SPOCK3: variants seen among roughly 807,000 people sequenced by gnomAD.
SPOCK3 encodes the protein testican-3.
In SPOCK3, 30 loss-of-function variants were observed where a neutral mutation model predicts 56.6. That is an observed-to-expected ratio of 0.53 (90% CI 0.40 to 0.72). The LOEUF (loss-of-function observed/expected upper bound fraction) is 0.72, where lower values mean the gene tolerates loss of function less well. Among genes scored for constraint, SPOCK3 ranks in the 30% least tolerant of loss-of-function variants. The probability of loss-of-function intolerance (pLI) is 0.00; values close to 1 mark genes in which losing one functional copy is unlikely to be tolerated. For synonymous variants in SPOCK3, 196 were observed against 183.3 expected (o/e 1.07, Z -0.56); for missense variants, 527 against 530.0 (o/e 0.99, Z 0.06).
chr4:167,116,712 AG>A (rs1761422054), intron 2 of SPOCK3, among the ~76,000 whole-genome samples: 1 of 133,024 alleles, frequency 7.5e-6, no homozygotes. Flanking sequence ...ATACGTATAT[AG>A]TATATATGTA....
chr4:167,010,656 C>A (rs1364958443), intron 3 of SPOCK3, among the ~76,000 whole-genome samples: 1 of 150,906 alleles, frequency 6.6e-6, no homozygotes, highest in Non-Finnish European at 1.5e-5. Context: ...GTTGAAAGAA[C>A]AACAAAAGGA....
rs1409095773 is a variant in SPOCK3 at position 166,754,703 on chromosome 4, A to C, written c.736T>G (p.Cys246Gly). Reference sequence around the variant, plus strand: ...AACATCCAGCCAAGTGAGTCCTTGCAAATTGGCAAGATGCTGGTATCGAAT... The same window carrying C: ...AACATCCAGCCAAGTGAGTCCTTGCCAATTGGCAAGATGCTGGTATCGAAT... ...SRFDTSILPI[C>G]KDSLGWMFNR... The change falls in exon 8 of 11, where the codon TGC (cysteine) becomes GGC (glycine). Residue 246 changes from cysteine (C) to glycine (G), a missense_variant. Physicochemically the swap from Cys to Gly is radical, Grantham distance 159. Coordinates refer to ENST00000357545, the MANE Select transcript of SPOCK3 (RefSeq NM_001040159.2). 1 of 1,613,560 alleles carries C rather than the reference A, an allele frequency of 6.2e-7. No homozygotes were observed. The highest frequency in any genetic ancestry group is 8.5e-7 in the Non-Finnish European group (1 of 1,179,666).
chr4:166,772,069 G>A (rs1277841700), intron 7 of SPOCK3, among the ~76,000 whole-genome samples: 1 of 151,790 alleles, frequency 6.6e-6, no homozygotes, highest in Non-Finnish European at 1.5e-5. Flanking sequence ...GTATATTTAT[G>A]GATTATTATA....
intron 4 of SPOCK3, among the ~76,000 whole-genome samples, chr4:166,914,887 T>G (rs998351975): frequency 6.6e-6 from 1 of 152,224 alleles, no homozygotes; most frequent in Non-Finnish European, 1.5e-5. Context: ...TTAGTTGTTC[T>G]TATTCCTTCC....
chr4:166,851,045 C>T (rs997921185), intron 6 of SPOCK3, among the ~76,000 whole-genome samples: 4 of 152,280 alleles, frequency 2.6e-5, no homozygotes, highest in South Asian at 4.1e-4. Flanking sequence ...ACAGCAGTAA[C>T]CTCTGCAGAC....
intron 3 of SPOCK3, among the ~76,000 whole-genome samples, chr4:167,049,125 A>T (rs1753971733): frequency 6.8e-6 from 1 of 148,128 alleles, no homozygotes; most frequent in African/African-American, 2.5e-5. Context: ...TTTTTTTGAG[A>T]CAGAGTTTTG....
intron 5 of SPOCK3, among the ~76,000 whole-genome samples, chr4:166,902,718 T>C (rs1473830280): frequency 6.6e-6 from 1 of 151,702 alleles, no homozygotes; most frequent in East Asian, 1.9e-4. Context: ...TAAGTTATAG[T>C]TCATTATCTT....
chr4:166,838,654 T>G (rs1460701829), intron 6 of SPOCK3, among the ~76,000 whole-genome samples: 2 of 148,120 alleles, frequency 1.4e-5, no homozygotes, highest in Non-Finnish European at 3.0e-5. Context: ...CATTGCTACA[T>G]TAAAATCCTT....
chr4:166,927,940 A>G lies in SPOCK3; in HGVS notation c.351-15197T>C, dbSNP rs555230887. Among the ~76,000 whole-genome samples the G allele has an allele frequency of 2.0e-5, 3 of 152,350 alleles. No homozygotes were observed. In the South Asian group the frequency reaches 6.2e-4, roughly 32 times the overall value. ...CAAAGACCTTGATAGACACCTCACC[A>G]AAGATGATATGCATACGGCAAATAA... On this transcript the variant is annotated intron_variant, in intron 4 of 10. Transcript: ENST00000357545.
intron 10 of SPOCK3, among the ~76,000 whole-genome samples, chr4:166,737,194 G>A (rs550778277): frequency 6.6e-6 from 1 of 152,218 alleles, no homozygotes; most frequent in South Asian, 2.1e-4. Flanking sequence ...AGGAAAAGAA[G>A]TACCTCAACA....
chr4:166,839,117 A>C (rs1014862491), intron 6 of SPOCK3, among the ~76,000 whole-genome samples: 2 of 152,136 alleles, frequency 1.3e-5, no homozygotes, highest in Non-Finnish European at 2.9e-5. Flanking sequence ...CTAATTTGTA[A>C]GACTCTGGAT....
intron 6 of SPOCK3, among the ~76,000 whole-genome samples, chr4:166,866,541 T>C (rs1560949922): frequency 6.6e-6 from 1 of 151,964 alleles, no homozygotes; most frequent in South Asian, 2.1e-4. Flanking sequence ...ATCTGACAAA[T>C]GTCTAATATC....
chr4:166,985,437 T>A (rs1042437949), intron 4 of SPOCK3, among the ~76,000 whole-genome samples: 13 of 152,144 alleles, frequency 8.5e-5, no homozygotes, highest in African/African-American at 2.7e-4. Flanking sequence ...CAATTTTTAG[T>A]TATAGTGCAC....
At chr4:167,062,659 G>A (rs1468692941) in intron 2 of SPOCK3, 122 bp from the exon 3 acceptor site, 1 of 644,966 alleles carries the variant, frequency 1.6e-6, no homozygotes, top group Non-Finnish European at 2.8e-6. Flanking sequence ...TCCTGCAATG[G>A]CAAGCAGCAA....
intron 4 of SPOCK3, among the ~76,000 whole-genome samples, chr4:166,961,794 T>G (rs1744176166): frequency 6.6e-6 from 1 of 152,164 alleles, no homozygotes; most frequent in Non-Finnish European, 1.5e-5. Flanking sequence ...GTTAAACTAA[T>G]AAGCCCTGGA....
intron 6 of SPOCK3, among the ~76,000 whole-genome samples, chr4:166,876,314 A>T (rs1733075757): frequency 6.6e-6 from 1 of 152,138 alleles, no homozygotes; most frequent in African/African-American, 2.4e-5. Flanking sequence ...GTTTTCTTAC[A>T]ATTTGAGACT....
chr4:166,936,330 GTT>G (rs1462965080), intron 4 of SPOCK3, among the ~76,000 whole-genome samples: 3 of 151,858 alleles, frequency 2.0e-5, no homozygotes, highest in Non-Finnish European at 2.9e-5. Flanking sequence ...ATTTTTAAAA[GTT>G]AAAATCCTAT....
chr4:166,922,579 C>T (rs147798239), intron 4 of SPOCK3, among the ~76,000 whole-genome samples: 1,567 of 152,262 alleles, frequency 0.01, 20 homozygotes, highest in Non-Finnish European at 0.011. Flanking sequence ...AATGACATCT[C>T]TCATGACATT....
chr4:166,905,317 T>C (rs9997969), intron 5 of SPOCK3, among the ~76,000 whole-genome samples: 11,733 of 151,954 alleles, frequency 0.077, 534 homozygotes, highest in Non-Finnish European at 0.1. Flanking sequence ...TCCTTATAAA[T>C]ACAAACTAGA....
Sources: allele counts gnomAD v4.1 joint callset (sites outside exome capture counted in the v4.1 genomes callset), GRCh38; gene constraint gnomAD v4.1.1; transcripts MANE v1.5; gene names NCBI Gene and HGNC (gene_info 2026-07-23, HGNC 2026-07-21).